Variants in NALF1 observed in about 807,000 individuals in gnomAD.
NALF1 encodes family with sequence similarity 155 member A.
A neutral mutation model predicts 48.4 loss-of-function variants in NALF1; 3 were observed. The ratio of observed to expected loss-of-function variants is 0.06; its 90% CI spans 0.03 to 0.16. The LOEUF (loss-of-function observed/expected upper bound fraction) is 0.16, where lower values mean the gene tolerates loss of function less well. NALF1 is among the 10% of genes least tolerant of loss of function. The probability of loss-of-function intolerance (pLI) is 1.00; values close to 1 mark genes in which losing one functional copy is unlikely to be tolerated. For synonymous variants in NALF1, 262 were observed against 245.7 expected (o/e 1.07, Z -0.62); for missense variants, 526 against 571.5 (o/e 0.92, Z 0.81).
intron 1 of NALF1, among the ~76,000 whole-genome samples, chr13:107,356,977 C>T (rs1276472414): frequency 6.6e-6 from 1 of 152,142 alleles, no homozygotes; most frequent in Non-Finnish European, 1.5e-5. Context: ...TTGCAACAAA[C>T]ATTTGGTGAA....
intron 1 of NALF1, among the ~76,000 whole-genome samples, chr13:107,421,316 A>G (rs1189724015): frequency 6.6e-6 from 1 of 152,184 alleles, no homozygotes; most frequent in Non-Finnish European, 1.5e-5. Flanking sequence ...ATTAACAAAG[A>G]GAATTTTAAC....
intron 1 of NALF1, among the ~76,000 whole-genome samples, chr13:107,783,872 T>C (rs200481711): frequency 5.5e-5 from 6 of 108,234 alleles, no homozygotes; most frequent in African/African-American, 1.3e-4. Context: ...AAAATAAAAA[T>C]TAAAAAAAAA....
In NALF1 at chr13:107,537,417, T is replaced by C. The variant is rs12855217; in HGVS notation, c.916-326662A>G. The stretch of plus-strand genomic sequence containing the variant: ...AGTGAATGGAATCAATTTTTCATCA[T>C]GCCAATGAAGGATATGAATGGAACT... On this transcript the variant is annotated intron_variant, in intron 1 of 2. Coordinates refer to ENST00000375915, the MANE Select transcript of NALF1 (RefSeq NM_001080396.3). Among the ~76,000 whole-genome samples, 341 of 152,312 alleles carry C rather than the reference T, an allele frequency of 2.2e-3. 1 individual carries two copies. Among genetic ancestry groups the C allele is most frequent in the Non-Finnish European group, 4.2e-3 (286 of 68,034 alleles).
chr13:107,213,743 C>G (rs1295107305), intron 1 of NALF1, among the ~76,000 whole-genome samples: 2 of 152,120 alleles, frequency 1.3e-5, no homozygotes, highest in African/African-American at 4.8e-5. Flanking sequence ...GGGAAGTAAA[C>G]AAAAATTCTT....
At chr13:107,429,208 G>C (rs1884332661) in intron 1 of NALF1, among the ~76,000 whole-genome samples, 1 of 151,876 alleles carries the variant, frequency 6.6e-6, no homozygotes, top group Non-Finnish European at 1.5e-5. Flanking sequence ...TGTAATCCCA[G>C]CTACTCAGGA....
chr13:107,597,432 A>G (rs1878786353), intron 1 of NALF1, among the ~76,000 whole-genome samples: 2 of 152,134 alleles, frequency 1.3e-5, no homozygotes, highest in South Asian at 2.1e-4. Flanking sequence ...CTCCCACATA[A>G]TTACTTTGAA....
At position 107,357,134 on chromosome 13, in the gene NALF1, G is replaced by T. The variant is rs574207893; in HGVS notation, c.916-146379C>A. 3.3e-5 allele frequency among the ~76,000 whole-genome samples: 5 copies of T among 152,234 alleles called. No homozygotes were observed. The South Asian group carries it at 1.0e-3, about 32-fold the overall frequency. On this transcript the variant is annotated intron_variant, in intron 1 of 2. Transcript: ENST00000375915. The stretch of plus-strand genomic sequence containing the variant: ...TTTACACTGCTATAAACAAATACCC[G>T]AGACTGGGTAATTTACAAAGGAAAG...
At chr13:107,569,514 T>C (rs1309064528) in intron 1 of NALF1, among the ~76,000 whole-genome samples, 1 of 152,132 alleles carries the variant, frequency 6.6e-6, no homozygotes, top group Non-Finnish European at 1.5e-5. Flanking sequence ...TCCACCGAAT[T>C]AGTTTTGTTC....
At chr13:107,401,919 G>C (rs1186534061) in intron 1 of NALF1, among the ~76,000 whole-genome samples, 1 of 152,094 alleles carries the variant, frequency 6.6e-6, no homozygotes, top group African/African-American at 2.4e-5. Context: ...GCATCATGCT[G>C]AACAGTCATT....
At chr13:107,827,227 T>G (rs902808344) in intron 1 of NALF1, among the ~76,000 whole-genome samples, 2 of 152,156 alleles carry the variant, frequency 1.3e-5, no homozygotes, top group East Asian at 3.9e-4. Flanking sequence ...ATTTATGGAG[T>G]GTCTGTTAAA....
At chr13:107,728,211 T>C (rs1876212020) in intron 1 of NALF1, among the ~76,000 whole-genome samples, 1 of 152,184 alleles carries the variant, frequency 6.6e-6, no homozygotes, top group Admixed American at 6.5e-5. Flanking sequence ...TTATAAATCA[T>C]TCTATAAAGA....
At chr13:107,245,245 T>C (rs772259370) in intron 1 of NALF1, among the ~76,000 whole-genome samples, 16 of 152,252 alleles carry the variant, frequency 1.1e-4, no homozygotes, top group Non-Finnish European at 1.6e-4. Flanking sequence ...TTCTATATAA[T>C]GAAAAGCATG....
intron 1 of NALF1, among the ~76,000 whole-genome samples, chr13:107,519,029 G>A (rs1446333876): frequency 2.0e-5 from 3 of 152,158 alleles, no homozygotes; most frequent in Non-Finnish European, 4.4e-5. Flanking sequence ...GTGCATCCGA[G>A]TCAGCCTTCA....
At chr13:107,599,248 G>A (rs987345527) in intron 1 of NALF1, among the ~76,000 whole-genome samples, 1 of 151,948 alleles carries the variant, frequency 6.6e-6, no homozygotes, top group African/African-American at 2.4e-5. Context: ...GTGAAACCCC[G>A]TCTCTACCAA....
intron 1 of NALF1, among the ~76,000 whole-genome samples, chr13:107,241,395 C>A (rs925311907): frequency 6.6e-6 from 1 of 152,078 alleles, no homozygotes; most frequent in African/African-American, 2.4e-5. Context: ...GAGGAAGCTG[C>A]GATAATAACA....
At chr13:107,411,922 G>A (rs181644254) in intron 1 of NALF1, among the ~76,000 whole-genome samples, 1 of 152,290 alleles carries the variant, frequency 6.6e-6, no homozygotes, top group East Asian at 1.9e-4. Context: ...TTGAAGATGG[G>A]AGGTGGCAGC....
At chr13:107,626,396 A>T (rs1231345723) in intron 1 of NALF1, among the ~76,000 whole-genome samples, 3 of 152,110 alleles carry the variant, frequency 2.0e-5, no homozygotes, top group African/African-American at 7.2e-5. Context: ...CATATGATCC[A>T]GCAATTCCAC....
At chr13:107,593,116 T>A (rs1199282142) in intron 1 of NALF1, among the ~76,000 whole-genome samples, 2 of 151,896 alleles carry the variant, frequency 1.3e-5, no homozygotes, top group Non-Finnish European at 2.9e-5. Flanking sequence ...ACGAAGTACA[T>A]ATTGTGTTCA....
chr13:107,833,931 G>A (rs751020539), intron 1 of NALF1, among the ~76,000 whole-genome samples: 16 of 151,786 alleles, frequency 1.1e-4, no homozygotes, highest in Middle Eastern at 6.8e-3. Context: ...GTAAAACTAT[G>A]GAAACTTTGA....
Sources: allele counts gnomAD v4.1 joint callset (sites outside exome capture counted in the v4.1 genomes callset), GRCh38; gene constraint gnomAD v4.1.1; transcripts MANE v1.5; gene names NCBI Gene and HGNC (gene_info 2026-07-23, HGNC 2026-07-21).